Variants in ARL13B observed in about 807,000 individuals in gnomAD.
ARL13B encodes the protein ADP-ribosylation factor-like protein 13B.
A neutral mutation model predicts 56.1 loss-of-function variants in ARL13B; 36 were observed. That is an observed-to-expected ratio of 0.64 (90% CI 0.49 to 0.85). The LOEUF (loss-of-function observed/expected upper bound fraction) is 0.85. Ranked by LOEUF, ARL13B falls within the 40% of genes least tolerant of loss-of-function variation. The pLI is 0.00. For missense variants in ARL13B, 519 were observed against 507.1 expected (o/e 1.02, Z -0.23); for synonymous variants, 178 against 171.1 (o/e 1.04, Z -0.32).
intron 2 of ARL13B, 116 bp from the exon 3 acceptor site, chr3:94,003,543 T>G: frequency 1.7e-6 from 2 of 1,167,462 alleles, no homozygotes; most frequent in Non-Finnish European, 2.4e-6. Context: ...CAAAATAATG[T>G]TTATTGTGTC....
At chr3:93,997,131 A>C (rs1212068928) in intron 2 of ARL13B, among the ~76,000 whole-genome samples, 1 of 152,016 alleles carries the variant, frequency 6.6e-6, no homozygotes, top group African/African-American at 2.4e-5. Flanking sequence ...CTGATTGTAC[A>C]TTATGGTGAG....
At chr3:94,014,957 T>C (rs1192396130) in intron 3 of ARL13B, 1 of 1,613,904 alleles carries the variant, frequency 6.2e-7, no homozygotes, top group African/African-American at 1.3e-5. Context: ...CTTCTGTTGA[T>C]GTATTCTGCC....
intron 3 of ARL13B, chr3:94,015,428 G>A: frequency 1.9e-6 from 1 of 520,958 alleles, no homozygotes; most frequent in Non-Finnish European, 3.2e-6. Context: ...AAACCAATGA[G>A]TTTCCTCATA....
intron 3 of ARL13B, among the ~76,000 whole-genome samples, chr3:94,009,359 T>C (rs558640589): frequency 6.6e-6 from 1 of 152,210 alleles, no homozygotes; most frequent in African/African-American, 2.4e-5. Flanking sequence ...TATATGCTTA[T>C]TTGACTCACC....
At chr3:94,010,091 G>C (rs963554640) in intron 3 of ARL13B, among the ~76,000 whole-genome samples, 4 of 152,078 alleles carry the variant, frequency 2.6e-5, no homozygotes, top group Non-Finnish European at 4.4e-5. Context: ...GTGCTCTCCA[G>C]ATCATTCTGA....
chr3:94,001,170 G>T (rs1382421033), intron 2 of ARL13B, among the ~76,000 whole-genome samples: 2 of 152,112 alleles, frequency 1.3e-5, no homozygotes. Context: ...AAGGATTTAT[G>T]GGGAAAGTTG....
chr3:94,014,295 G>A, intron 3 of ARL13B: 1 of 1,104,462 alleles, frequency 9.1e-7, no homozygotes, highest in East Asian at 2.6e-5. Context: ...GTATGTGAGT[G>A]GATCCATGAG....
intron 3 of ARL13B, 100 bp from the exon 4 acceptor site, chr3:94,035,231 A>G (rs1469663399): frequency 1.6e-5 from 13 of 826,618 alleles, no homozygotes; most frequent in South Asian, 1.5e-4. Flanking sequence ...AGCAAGACTC[A>G]GTCTCAAAAA....
rs2077110621 is a variant in ARL13B at position 94,054,311 on chromosome 3, C to T, written c.*1048C>T. The T allele has an allele frequency of 2.3e-6, 1 of 433,964 alleles. No homozygotes were observed. The highest frequency in any genetic ancestry group is 1.7e-5 in the South Asian group (1 of 58,238). 26.9% of individuals were successfully genotyped at this position (433,964 alleles called of 1,614,324 possible). ...AAAGTAATGAGAATAAAAATGTTGG[C>T]CCAAAATTACTTTTATAAATAAATA... On this transcript the variant is annotated 3_prime_UTR_variant, in exon 10 of 10. Transcript: ENST00000394222.
At chr3:94,051,008 G>T in intron 9 of ARL13B, 116 bp downstream of exon 9, 1 of 880,718 alleles carries the variant, frequency 1.1e-6, no homozygotes, top group African/African-American at 1.7e-5. Context: ...CAAATCCACA[G>T]CTATCCTTTT....
Position 94,055,119 on chromosome 3 carries a change from A to G in ARL13B, c.*1856A>G, listed in dbSNP as rs1024207414. The G allele has an allele frequency of 1.1e-5, 4 of 367,264 alleles. No individual in the cohort carries two copies. Among genetic ancestry groups the G allele is most frequent in the African/African-American group, 8.7e-5 (4 of 46,238 alleles). The allele number at this position is 367,264 out of a possible 1,614,324, so 22.8% of individuals were successfully genotyped here. A position where few individuals can be genotyped will look rare whatever the true frequency, so the allele number is the denominator to read the frequency against. ...TTCACATTTTATATAGCTCTCTCAAAAATTAATTTTTATTCCTTAAGCATT... is the reference window on the plus strand; with the variant it reads ...TTCACATTTTATATAGCTCTCTCAAGAATTAATTTTTATTCCTTAAGCATT... On this transcript the variant is annotated 3_prime_UTR_variant, in exon 10 of 10. Transcript: ENST00000394222.
chr3:94,041,280 G>A (rs1440886977), intron 6 of ARL13B, among the ~76,000 whole-genome samples: 1 of 151,822 alleles, frequency 6.6e-6, no homozygotes, highest in Non-Finnish European at 1.5e-5. Flanking sequence ...TTATGTATGA[G>A]CATTTTAGTA....
rs575875282 is a variant in ARL13B, at chr3:94,045,093, C to A, written c.1024+1853C>A. Among the ~76,000 whole-genome samples the A allele has an allele frequency of 7.9e-5, 12 of 152,286 alleles. No homozygotes were observed. In the East Asian group the frequency reaches 2.1e-3, roughly 27 times the overall value. ...TAGACATAGAAGACTCCATTTTGTTCTGTACTAAGAAAAATTCTTCTGCCT... is the reference window on the plus strand; with the variant it reads ...TAGACATAGAAGACTCCATTTTGTTATGTACTAAGAAAAATTCTTCTGCCT... On this transcript the variant is annotated intron_variant, in intron 7 of 9. Transcript: ENST00000394222.
intron 3 of ARL13B, among the ~76,000 whole-genome samples, chr3:94,031,994 G>A (rs1261088376): frequency 1.3e-5 from 2 of 152,112 alleles, no homozygotes; most frequent in Admixed American, 6.6e-5. Context: ...AAACTCTTCT[G>A]GACATTGGTC....
intron 3 of ARL13B, among the ~76,000 whole-genome samples, chr3:94,006,505 C>T (rs1465010148): frequency 6.6e-6 from 1 of 152,056 alleles, no homozygotes; most frequent in Non-Finnish European, 1.5e-5. Flanking sequence ...TACCTCCCTT[C>T]AATTCCTCTT....
intron 7 of ARL13B, among the ~76,000 whole-genome samples, chr3:94,043,700 G>A (rs113574564): frequency 0.16 from 12,957 of 79,478 alleles, 1,396 homozygotes; most frequent in Non-Finnish European, 0.2. Flanking sequence ...CTCTCTTGCC[G>A]AGCCTGGACT....
intron 1 of ARL13B, among the ~76,000 whole-genome samples, chr3:93,985,336 T>C (rs1377219181): frequency 1.3e-5 from 2 of 152,154 alleles, no homozygotes; most frequent in Admixed American, 1.3e-4. Context: ...CTGTTATTTA[T>C]AACATAGCAT....
intron 3 of ARL13B, among the ~76,000 whole-genome samples, chr3:94,021,012 A>G (rs1181831730): frequency 6.6e-6 from 1 of 152,056 alleles, no homozygotes; most frequent in Non-Finnish European, 1.5e-5. Flanking sequence ...AGAGCTAACC[A>G]AAGCTAGTGT....
intron 1 of ARL13B, among the ~76,000 whole-genome samples, chr3:93,988,427 A>G (rs548281184): frequency 1.6e-4 from 24 of 152,336 alleles, no homozygotes; most frequent in Non-Finnish European, 2.1e-4. Flanking sequence ...ATCCCATACT[A>G]TTCTCTGGTT....
Sources: gnomAD v4.1 joint callset for allele counts (sites outside exome capture counted in the v4.1 genomes callset) on GRCh38, gnomAD v4.1.1 for gene constraint, MANE v1.5 for transcripts, NCBI Gene and HGNC (gene_info 2026-07-23, HGNC 2026-07-21) for gene names.